Variants in NCEH1 observed in about 807,000 individuals in gnomAD.
NCEH1 encodes the protein neutral cholesterol ester hydrolase 1.
In NCEH1, 9 loss-of-function variants were observed where a neutral mutation model predicts 25.4. That is an observed-to-expected ratio of 0.35 (90% CI 0.21 to 0.62). The LOEUF (loss-of-function observed/expected upper bound fraction) is 0.62. NCEH1 is among the 20% of genes least tolerant of loss of function. The pLI, the probability that NCEH1 is intolerant of heterozygous loss-of-function variation, is 0.72. For missense variants in NCEH1, 412 were observed against 501.1 expected, an observed-to-expected ratio of 0.82 and a Z score of 1.70; for synonymous variants, 200 against 199.8, an observed-to-expected ratio of 1.00 and a Z score of -0.01.
chr3:172,652,822 A>C (rs1253661262), intron 1 of NCEH1, among the ~76,000 whole-genome samples: 2 of 151,794 alleles, frequency 1.3e-5, no homozygotes, highest in Middle Eastern at 3.2e-3. Context: ...TAGCCTCCCA[A>C]ATAGCTGGGA....
chr3:172,698,803 A>T (rs1423463593), intron 1 of NCEH1, among the ~76,000 whole-genome samples: 1 of 152,246 alleles, frequency 6.6e-6, no homozygotes, highest in African/African-American at 2.4e-5. Flanking sequence ...GTGAAGGACA[A>T]CACAAAACCA....
At chr3:172,668,394 G>A (rs9845505) in intron 1 of NCEH1, among the ~76,000 whole-genome samples, 12,459 of 112,926 alleles carry the variant, frequency 0.11, 1,961 homozygotes, top group African/African-American at 0.36. Flanking sequence ...TCGCTCTGTT[G>A]CCCAGGCTGG....
At chr3:172,634,701 C>T (rs1209433286) in intron 4 of NCEH1, among the ~76,000 whole-genome samples, 1 of 152,158 alleles carries the variant, frequency 6.6e-6, no homozygotes, top group African/African-American at 2.4e-5. Context: ...CAACAGATCT[C>T]AGTCCCCCAA....
chr3:172,680,674 C>CG (rs927137555), intron 1 of NCEH1: 1 of 142,512 alleles, frequency 7.0e-6, no homozygotes, highest in African/African-American at 2.9e-5. Context: ...CAGGCCCCCC[C>CG]CCCTCCATCA....
rs1716787674 is a variant in NCEH1 at position 172,640,232 on chromosome 3, GCTTTTTTA to G, written c.438-4153_438-4146del. On this transcript the variant is annotated intron_variant, in intron 3 of 4. Coordinates refer to ENST00000475381, the MANE Select transcript of NCEH1 (RefSeq NM_020792.6). ...GAGGATAAGCCTCACTCCTTTTCCA[GCTTTTTTA>G]CTTTTCACCATCACCCAAGAAAATC... Among the ~76,000 whole-genome samples the G allele has an allele frequency of 2.0e-5, 3 of 152,220 alleles. No homozygotes were observed. In the South Asian group the frequency reaches 6.2e-4, roughly 32 times the overall value.
chr3:172,683,722 A>G (rs1712537477), intron 1 of NCEH1, among the ~76,000 whole-genome samples: 1 of 152,238 alleles, frequency 6.6e-6, no homozygotes, highest in Non-Finnish European at 1.5e-5. Context: ...ACTTGGTAAA[A>G]TATAAATAAA....
chr3:172,654,037 G>A (rs547228658), intron 1 of NCEH1, among the ~76,000 whole-genome samples: 181 of 152,212 alleles, frequency 1.2e-3, no homozygotes, highest in Admixed American at 2.2e-3. Context: ...TTACAGGCGT[G>A]AGCCACCGTG....
chr3:172,669,734 G>A (rs1384867694), intron 1 of NCEH1, among the ~76,000 whole-genome samples: 24 of 152,048 alleles, frequency 1.6e-4, no homozygotes, highest in Non-Finnish European at 2.6e-4. Flanking sequence ...ATGGGGTTTC[G>A]CCATCTTGGC....
intron 3 of NCEH1, among the ~76,000 whole-genome samples, chr3:172,637,948 G>A (rs1716669816): frequency 6.6e-6 from 1 of 152,034 alleles, no homozygotes; most frequent in African/African-American, 2.4e-5. Flanking sequence ...TTGGGAGGCT[G>A]AGGCCTGAGA....
intron 1 of NCEH1, among the ~76,000 whole-genome samples, chr3:172,660,838 A>AT (rs1354305646): frequency 2.6e-4 from 40 of 152,232 alleles, no homozygotes; most frequent in African/African-American, 9.4e-4. Context: ...TTTCTTGTAA[A>AT]TTTGTTTAAG....
chr3:172,673,892 G>A (rs1711792070), intron 1 of NCEH1, among the ~76,000 whole-genome samples: 1 of 152,166 alleles, frequency 6.6e-6, no homozygotes, highest in African/African-American at 2.4e-5. Flanking sequence ...AACTCTATTT[G>A]CCAGCCTGCA....
chr3:172,643,565 G>T (rs1456479083), intron 3 of NCEH1, among the ~76,000 whole-genome samples: 1 of 152,104 alleles, frequency 6.6e-6, no homozygotes, highest in Non-Finnish European at 1.5e-5. Flanking sequence ...CTAAATTTTA[G>T]CCCTTTTCAA....
chr3:172,650,523 C>A (rs1244738863), intron 1 of NCEH1, among the ~76,000 whole-genome samples: 2 of 151,854 alleles, frequency 1.3e-5, no homozygotes, highest in East Asian at 3.9e-4. Flanking sequence ...GTGGCGGGCG[C>A]CTGTAGTCCC....
At chr3:172,686,443 A>G (rs1230649862) in intron 1 of NCEH1, among the ~76,000 whole-genome samples, 1 of 152,252 alleles carries the variant, frequency 6.6e-6, no homozygotes, top group Non-Finnish European at 1.5e-5. Context: ...CATAGTGTGT[A>G]TTTCTGTGGG....
rs73880233 is a variant in NCEH1, at chr3:172,678,557, C to G, written c.139-30443G>C. Among the ~76,000 whole-genome samples, 969 of 152,318 alleles carry G rather than the reference C, an allele frequency of 6.4e-3. 12 individuals are homozygous for G. Among genetic ancestry groups the G allele is most frequent in the African/African-American group, 0.023 (936 of 41,564 alleles). ...ACTTGTTTAATGTCTAACAAAGTCT[C>G]AATCAAAATATCTATACAACAATTG... On this transcript the variant is annotated intron_variant, in intron 1 of 4. Coordinates refer to ENST00000475381, the MANE Select transcript of NCEH1 (RefSeq NM_020792.6).
chr3:172,658,420 G>A (rs1314073832), intron 1 of NCEH1, among the ~76,000 whole-genome samples: 2 of 152,106 alleles, frequency 1.3e-5, no homozygotes, highest in East Asian at 3.8e-4. Context: ...TTTTTGTAGA[G>A]GAAACCTTTT....
At chr3:172,674,877 G>A (rs1213923285) in intron 1 of NCEH1, among the ~76,000 whole-genome samples, 1 of 152,146 alleles carries the variant, frequency 6.6e-6, no homozygotes, top group African/African-American at 2.4e-5. Flanking sequence ...ACTTATAGCA[G>A]GAGTAATAGT....
chr3:172,645,741 T>G (rs778808842), intron 2 of NCEH1, 49 bp from the exon 3 acceptor site: 2 of 1,125,456 alleles, frequency 1.8e-6, no homozygotes, highest in Non-Finnish European at 2.6e-6. Flanking sequence ...CATTTAATAC[T>G]GTCCACTCAT....
intron 1 of NCEH1, among the ~76,000 whole-genome samples, chr3:172,689,965 A>G (rs954511614): frequency 6.8e-5 from 10 of 148,040 alleles, no homozygotes; most frequent in Non-Finnish European, 1.5e-4. Flanking sequence ...GTGCAGTGGC[A>G]CGATCTCGGC....
Sources: allele counts gnomAD v4.1 joint callset (sites outside exome capture counted in the v4.1 genomes callset), GRCh38; gene constraint gnomAD v4.1.1; transcripts MANE v1.5; gene names NCBI Gene and HGNC (gene_info 2026-07-23, HGNC 2026-07-21).